Variants in UBE2D3 observed in about 807,000 individuals in gnomAD.
UBE2D3 encodes the protein ubiquitin conjugating enzyme E2 D3.
Under a neutral mutation model 22.8 loss-of-function variants are expected in UBE2D3, and 2 were observed. The observed-to-expected ratio is 0.09, with a 90% confidence interval of 0.04 to 0.28. The LOEUF (loss-of-function observed/expected upper bound fraction) is 0.28. Ranked by LOEUF, UBE2D3 falls within the 10% of genes least tolerant of loss-of-function variation. UBE2D3 has a pLI of 1.00. For synonymous variants in UBE2D3, 56 were observed against 60.4 expected, an observed-to-expected ratio of 0.93 and a Z score of 0.34; for missense variants, 27 against 182.5, an observed-to-expected ratio of 0.15 and a Z score of 4.91.
chr4:102,803,705 AAAG>A (rs1726565238), intron 4 of UBE2D3, among the ~76,000 whole-genome samples: 1 of 152,236 alleles, frequency 6.6e-6, no homozygotes, highest in South Asian at 2.1e-4. Flanking sequence ...ACACGAGTTC[AAAG>A]AAGAAAGGTC....
chr4:102,819,271 AG>A (rs1179401566), intron 2 of UBE2D3, among the ~76,000 whole-genome samples: 1 of 151,578 alleles, frequency 6.6e-6, no homozygotes, highest in South Asian at 2.1e-4. Context: ...CGGTGGTTGC[AG>A]TAAGCCGCAG....
chr4:102,827,709 C>G, upstream of UBE2D3: 1 of 931,862 alleles, frequency 1.1e-6, no homozygotes, highest in Non-Finnish European at 1.2e-6. Context: ...CGTGTCAAGC[C>G]CTTTTCCTTC....
intron 1 of UBE2D3, among the ~76,000 whole-genome samples, chr4:102,862,054 T>C (rs1426188046): frequency 6.6e-6 from 1 of 151,998 alleles, no homozygotes; most frequent in African/African-American, 2.4e-5. Flanking sequence ...GATAATTCTA[T>C]ATACTGTTAG....
intron 1 of UBE2D3, among the ~76,000 whole-genome samples, chr4:102,856,350 G>C (rs1415652122): frequency 6.6e-6 from 1 of 152,148 alleles, no homozygotes; most frequent in Non-Finnish European, 1.5e-5. Context: ...CTGGGCAACA[G>C]AGCAAGACGG....
chr4:102,805,518 G>C (rs532025530), intron 4 of UBE2D3, among the ~76,000 whole-genome samples: 8 of 148,980 alleles, frequency 5.4e-5, no homozygotes, highest in African/African-American at 2.0e-4. Flanking sequence ...TTTTAAAGTG[G>C]TGCTGTCGCC....
intron 1 of UBE2D3, among the ~76,000 whole-genome samples, chr4:102,866,081 T>A (rs551480153): frequency 4.1e-4 from 63 of 152,330 alleles, no homozygotes; most frequent in African/African-American, 1.3e-3. Context: ...GAAAACAGGA[T>A]TTAAATTTTA....
At chr4:102,818,120 C>T (rs1419634951) in intron 2 of UBE2D3, among the ~76,000 whole-genome samples, 1 of 152,128 alleles carries the variant, frequency 6.6e-6, no homozygotes, top group Non-Finnish European at 1.5e-5. Flanking sequence ...CTATTAAGGC[C>T]ACTGAAACAG....
chr4:102,823,428 T>A (rs1482504834), intron 2 of UBE2D3, among the ~76,000 whole-genome samples: 2 of 152,228 alleles, frequency 1.3e-5, no homozygotes, highest in Non-Finnish European at 2.9e-5. Context: ...CCTTTACCCA[T>A]GGTTTCCCTG....
chr4:102,808,330 G>A (rs1220351912), intron 4 of UBE2D3, among the ~76,000 whole-genome samples: 4 of 152,102 alleles, frequency 2.6e-5, no homozygotes, highest in African/African-American at 9.7e-5. Flanking sequence ...ATTTAACTGC[G>A]TGTATTAAAA....
intron 1 of UBE2D3, among the ~76,000 whole-genome samples, chr4:102,834,369 A>G (rs1325771025): frequency 6.6e-6 from 1 of 152,170 alleles, no homozygotes; most frequent in Non-Finnish European, 1.5e-5. Context: ...AAAGGATTAA[A>G]AAACTCTCAT....
chr4:102,837,291 A>G (rs1422931071), intron 1 of UBE2D3, among the ~76,000 whole-genome samples: 2 of 152,236 alleles, frequency 1.3e-5, no homozygotes, highest in Admixed American at 1.3e-4. Flanking sequence ...TAAAAATTAT[A>G]GAAACTGACA....
At chr4:102,827,957 G>A, upstream of UBE2D3, 1 of 985,532 alleles carries the variant, frequency 1.0e-6, no homozygotes, top group Non-Finnish European at 1.2e-6. Flanking sequence ...GTATCGAGGA[G>A]ACGACTCTCG....
intron 1 of UBE2D3, among the ~76,000 whole-genome samples, chr4:102,867,987 C>T (rs115071252): frequency 0.016 from 2,464 of 151,798 alleles, 67 homozygotes; most frequent in African/African-American, 0.053. Context: ...TCCAGTGTGG[C>T]CTAGGGAAGC....
At chr4:102,843,426 T>G (rs1731871319) in intron 1 of UBE2D3, 1 of 152,150 alleles carries the variant, frequency 6.6e-6, no homozygotes, top group South Asian at 2.1e-4. Flanking sequence ...TTGTTGTTAT[T>G]TGACTCATCA....
At chr4:102,809,977 T>C (rs986419461) in intron 2 of UBE2D3, 122 bp from the exon 3 acceptor site, 2 of 912,758 alleles carry the variant, frequency 2.2e-6, no homozygotes, top group Non-Finnish European at 3.5e-6. Flanking sequence ...ACAATTCACA[T>C]AAATAATATA....
chr4:102,865,446 C>G (rs1247406769), intron 1 of UBE2D3, among the ~76,000 whole-genome samples: 2 of 148,702 alleles, frequency 1.3e-5, no homozygotes, highest in African/African-American at 5.0e-5. Flanking sequence ...GAGCTGAGAT[C>G]GCGCCATTGC....
chr4:102,829,905 G>C (rs1731022385), upstream of UBE2D3, among the ~76,000 whole-genome samples: 1 of 152,086 alleles, frequency 6.6e-6, no homozygotes, highest in South Asian at 2.1e-4. Context: ...CTGCGACAGA[G>C]TGAGACCCTG....
intron 2 of UBE2D3, 51 bp downstream of exon 2, chr4:102,826,434 C>T (rs761354724): frequency 6.2e-7 from 1 of 1,611,550 alleles, no homozygotes; most frequent in Non-Finnish European, 8.5e-7. Context: ...TCCTCTTGGC[C>T]CGAGCCTTCC....
At chr4:102,821,374 G>T (rs145389673) in intron 2 of UBE2D3, among the ~76,000 whole-genome samples, 6 of 152,064 alleles carry the variant, frequency 3.9e-5, no homozygotes, top group Non-Finnish European at 7.4e-5. Context: ...AACTATTCAT[G>T]TGTTTACATG....
Sources: gnomAD v4.1 joint callset for allele counts (sites outside exome capture counted in the v4.1 genomes callset) on GRCh38, gnomAD v4.1.1 for gene constraint, MANE v1.5 for transcripts, NCBI Gene and HGNC (gene_info 2026-07-23, HGNC 2026-07-21) for gene names.